Variants in AGBL5 observed in about 807,000 individuals in gnomAD.
The protein encoded by AGBL5 is AGBL carboxypeptidase 5.
In AGBL5, 51 loss-of-function variants were observed where a neutral mutation model predicts 88.0. The ratio of observed to expected loss-of-function variants is 0.58; its 90% CI spans 0.46 to 0.73. The LOEUF (loss-of-function observed/expected upper bound fraction) is 0.73. Among genes scored for constraint, AGBL5 ranks in the 30% least tolerant of loss-of-function variants. The pLI, the probability that AGBL5 is intolerant of heterozygous loss-of-function variation, is 0.00. For synonymous variants in AGBL5, 446 were observed against 438.8 expected (o/e 1.02, Z -0.21); for missense variants, 1,031 against 1,162.2 (o/e 0.89, Z 1.64).
At chr2:27,063,936 T>C (rs191561018) in intron 11 of AGBL5, among the ~76,000 whole-genome samples, 97 of 152,334 alleles carry the variant, frequency 6.4e-4, no homozygotes, top group African/African-American at 2.2e-3. Context: ...GCTGATCACA[T>C]CACTCTTGCA....
intron 11 of AGBL5, 40 bp from the exon 12 acceptor site, chr2:27,067,454 C>T (rs373335393): frequency 1.3e-6 from 2 of 1,596,630 alleles, no homozygotes; most frequent in Admixed American, 1.7e-5. Flanking sequence ...TAGTGCCCCA[C>T]TTATTTGCCC....
intron 11 of AGBL5, chr2:27,061,635 T>C (rs1668722673): frequency 6.6e-6 from 1 of 152,262 alleles, no homozygotes; most frequent in Non-Finnish European, 1.5e-5. Context: ...CCCAAAGTGC[T>C]AGGATTACAG....
rs369204320 is a variant in AGBL5, at chr2:27,070,102, G to C, written c.2500G>C (p.Ala834Pro). 7.4e-6 allele frequency: 12 copies of C among 1,612,878 alleles called. No homozygotes were observed. The African/African-American group carries it at 9.3e-5, about 13-fold the overall frequency. ...SCSATPGLPQ[A>P]RPPRPRSAPA... ...TCTTTTCTGTTGCAGGCTGCCTCAG[G>C]CCAGGCCCCCACGGCCCCGCTCTGC... The change falls in exon 15 of 15, where the codon GCC becomes CCC. Residue 834 changes from alanine to proline, a missense_variant. By Grantham distance (27) the Ala-to-Pro change is conservative (BLOSUM62 -1). Around this residue, in one of 2 missense-constraint regions of AGBL5, gnomAD observed 491 missense variants for 484.0 expected, o/e 1.01. Coordinates refer to ENST00000360131, the MANE Select transcript of AGBL5 (RefSeq NM_021831.6).
At chr2:27,066,303 C>CAAAT (rs1459386436) in intron 11 of AGBL5, among the ~76,000 whole-genome samples, 1 of 149,012 alleles carries the variant, frequency 6.7e-6, no homozygotes, top group Non-Finnish European at 1.5e-5. Context: ...TACACAAATG[C>CAAAT]AAATCTAAGA....
chr2:27,070,438 C>G lies in AGBL5; in HGVS notation c.*175C>G, dbSNP rs550879873. The G allele has an allele frequency of 3.3e-6, 2 of 603,542 alleles. No homozygotes were observed. Among genetic ancestry groups the G allele is most frequent in the East Asian group, 5.6e-5 (2 of 35,540 alleles). 37.4% of individuals were successfully genotyped at this position (603,542 alleles called of 1,614,324 possible). A position where few individuals can be genotyped will look rare whatever the true frequency, so the allele number is the denominator to read the frequency against. ...ACCTTGAGACAGAACAAAACAGGGACCTGCCACCCCTTCCCTCCCTCCGCA... is the reference window on the plus strand; with the variant it reads ...ACCTTGAGACAGAACAAAACAGGGAGCTGCCACCCCTTCCCTCCCTCCGCA... On this transcript the variant is annotated 3_prime_UTR_variant, in exon 15 of 15. Coordinates refer to ENST00000360131, the MANE Select transcript of AGBL5 (RefSeq NM_021831.6).
rs1031774418 is a variant in AGBL5, at chr2:27,067,351, G to C, written c.2090-143G>C. The C allele has an allele frequency of 1.2e-5, 8 of 683,482 alleles. No individual in the cohort carries two copies. In the Admixed American group the frequency reaches 1.7e-4, roughly 14 times the overall value. 42.3% of individuals were successfully genotyped at this position (683,482 alleles called of 1,614,324 possible). On this transcript the variant is annotated intron_variant, in intron 11 of 14. Transcript: ENST00000360131. ...TCTTTCTACCCATCTTATATTAATA[G>C]TTACTTCAGGAGAGGGATGTGGGTC...
In AGBL5 at chr2:27,052,929, G is replaced by T. The variant is rs374040291; in HGVS notation, c.-30G>T. ...TTCCCCCAGCTCTCAGGGCCAGAGC[G>T]GGGCAGGAGGATGCTTTCCCAGCCC... On this transcript the variant is annotated 5_prime_UTR_variant, in exon 2 of 15. Coordinates refer to ENST00000360131, the MANE Select transcript of AGBL5 (RefSeq NM_021831.6). 6.5e-7 allele frequency: 1 copy of T among 1,543,512 alleles called. No individual in the cohort carries two copies. The highest frequency in any genetic ancestry group is 8.8e-7 in the Non-Finnish European group (1 of 1,137,632).
rs771367189 is a variant in AGBL5 at position 27,057,454 on chromosome 2, G to GT, written c.1671+17dup. 6.3e-7 allele frequency: 1 copy of GT among 1,583,938 alleles called. No homozygotes were observed. Among genetic ancestry groups the GT allele is most frequent in the Admixed American group, 1.8e-5 (1 of 56,538 alleles). The stretch of plus-strand genomic sequence containing the variant: ...ATTTGAGCAGGTATGAATACATGGT[G>GT]TAAGTGGGAAAAGGGAGAAACCTTA... On this transcript the variant is annotated intron_variant, in intron 9 of 14. Coordinates refer to ENST00000360131, the MANE Select transcript of AGBL5 (RefSeq NM_021831.6).
chr2:27,053,622 G>C lies in AGBL5; in HGVS notation c.387+49G>C. On this transcript the variant is annotated intron_variant, in intron 3 of 14. Coordinates refer to ENST00000360131, the MANE Select transcript of AGBL5 (RefSeq NM_021831.6). The surrounding 1 kb of genome is among the most constrained non-coding windows in gnomAD (Gnocchi z 4.9). ...GAAAGACTTGGGTGCTAAAAGTAGA[G>C]AGGAAAGTAAAGCGTTTTTTTTTCC... 6.4e-7 allele frequency: 1 copy of C among 1,570,180 alleles called. No homozygotes were observed. Among genetic ancestry groups the C allele is most frequent in the South Asian group, 1.2e-5 (1 of 84,824 alleles).
chr2:27,066,050 T>A (rs1420433393), intron 11 of AGBL5, among the ~76,000 whole-genome samples: 2 of 151,998 alleles, frequency 1.3e-5, no homozygotes, highest in Non-Finnish European at 2.9e-5. Flanking sequence ...CTTGAGCCCA[T>A]GAGTTCCAGA....
chr2:27,068,528 C>T (rs528366762), intron 12 of AGBL5, 104 bp from the exon 13 acceptor site: 1 of 947,314 alleles, frequency 1.1e-6, no homozygotes, highest in East Asian at 2.5e-5. Flanking sequence ...AAGAATTATC[C>T]AACCCAAATT....
At chr2:27,058,655 T>A in intron 10 of AGBL5, 53 bp downstream of exon 10, 2 of 1,581,730 alleles carry the variant, frequency 1.3e-6, no homozygotes, top group South Asian at 2.2e-5. Context: ...GACAGGGCTC[T>A]AGAGCTAGGA....
rs772072440 is a variant in AGBL5 at position 27,056,002 on chromosome 2, C to G, written c.1229C>G (p.Ala410Gly). 6 of 1,614,216 alleles carry G rather than the reference C, an allele frequency of 3.7e-6. No homozygotes were observed. The Admixed American group carries it at 5.0e-5, about 13-fold the overall frequency. Reference protein sequence around the residue: ...NSVWIMPQQSAGLEESAPDTI... With the variant: ...NSVWIMPQQSGGLEESAPDTI... ...GTGTGGATTATGCCACAACAGTCTG[C>G]GGGGCTTGAAGAGTCAGCCCCTGAT... Residue 410 changes from alanine (A) to glycine (G), a missense_variant, in exon 7 of 15, where the codon GCG becomes GGG. Ala to Gly is a moderately conservative substitution (Grantham distance 60). Around this residue, in one of 2 missense-constraint regions of AGBL5, gnomAD observed 540 missense variants for 678.2 expected, o/e 0.80. Coordinates refer to ENST00000360131, the MANE Select transcript of AGBL5 (RefSeq NM_021831.6).
Position 27,056,675 on chromosome 2 carries a change from A to C in AGBL5, c.1418A>C (p.Asp473Ala), listed in dbSNP as rs1469354209. Residue 473 changes from aspartate to alanine, a missense_variant, in exon 8 of 15, where the codon GAC becomes GCC. Physicochemically the swap from Asp to Ala is moderately radical, Grantham distance 126. Coordinates refer to ENST00000360131, the MANE Select transcript of AGBL5 (RefSeq NM_021831.6). ...KLISLNSAHF[D>A]FQGCNFSEKN... is the part of the protein sequence containing the mutation. ...ATCTCCTTGAATTCAGCCCACTTCG[A>C]CTTCCAGGGCTGCAATTTCTCAGAG... 1.2e-6 allele frequency: 2 copies of C among 1,613,532 alleles called. No individual in the cohort carries two copies. Among genetic ancestry groups the C allele is most frequent in the Non-Finnish European group, 1.7e-6 (2 of 1,179,618 alleles).
intron 1 of AGBL5, chr2:27,052,595 T>G (rs746898592): frequency 6.0e-6 from 1 of 166,000 alleles, no homozygotes; most frequent in African/African-American, 2.4e-5. Context: ...GATTATATTC[T>G]CTAATCTTTG....
chr2:27,059,237 G>A lies in AGBL5; in HGVS notation c.1922G>A (p.Ser641Asn). 4.3e-6 allele frequency: 7 copies of A among 1,614,100 alleles called. No homozygotes were observed. Among genetic ancestry groups the A allele is most frequent in the Non-Finnish European group, 5.9e-6 (7 of 1,180,026 alleles). Residue 641 changes from serine to asparagine, a missense_variant, in exon 11 of 15, where the codon AGT becomes AAT. Transcript: ENST00000360131. ...CSENTLSRARSFSTGTSAGGS... is the reference protein window; with the variant it reads ...CSENTLSRARNFSTGTSAGGS... Reference sequence around the variant, plus strand: ...GAAAACACCTTGAGTCGGGCACGAAGTTTTAGCACCGGCACAAGTGCCGGT... The same window carrying A: ...GAAAACACCTTGAGTCGGGCACGAAATTTTAGCACCGGCACAAGTGCCGGT...
At chr2:27,057,529 A>G in intron 9 of AGBL5, 91 bp downstream of exon 9, 1 of 1,417,224 alleles carries the variant, frequency 7.1e-7, no homozygotes, top group Non-Finnish European at 9.5e-7. Flanking sequence ...GGTCCTTTGA[A>G]GAGATATTCA....
chr2:27,059,332 C>T lies in AGBL5; in HGVS notation c.2017C>T (p.Arg673Trp), dbSNP rs1237763561. 78 of 1,614,086 alleles carry T rather than the reference C, an allele frequency of 4.8e-5. No homozygotes were observed. Among genetic ancestry groups the T allele is most frequent in the Middle Eastern group, 1.6e-4 (1 of 6,084 alleles). The change falls in exon 11 of 15, where the codon CGG (arginine) becomes TGG (tryptophan). Residue 673 changes from arginine (R) to tryptophan (W), a missense_variant. Physicochemically the swap from Arg to Trp is moderately radical, Grantham distance 101 (BLOSUM62 -3). This residue lies in a region of AGBL5 where 491 missense variants were observed against 484.0 expected (regional missense o/e 1.01). Coordinates refer to ENST00000360131, the MANE Select transcript of AGBL5 (RefSeq NM_021831.6). Reference protein sequence around the residue: ...NSPSFPFHGSRPAGLPGLGSS... With the variant: ...NSPSFPFHGSWPAGLPGLGSS... The stretch of plus-strand genomic sequence containing the variant: ...CCCCAGCTTTCCTTTTCATGGCAGT[C>T]GGCCTGCAGGGCTGCCAGGCCTGGG...
chr2:27,052,834 T>A, intron 1 of AGBL5, 79 bp from the exon 2 acceptor site: 1 of 835,260 alleles, frequency 1.2e-6, no homozygotes, highest in Non-Finnish European at 1.8e-6. Context: ...AGAATAGCTC[T>A]TATTTATCAA....
Sources: allele counts gnomAD v4.1 joint callset (sites outside exome capture counted in the v4.1 genomes callset), GRCh38; gene constraint gnomAD v4.1.1; regional missense constraint gnomAD v4.1.1; non-coding constraint Gnocchi (gnomAD v3.1); transcripts MANE v1.5; gene names NCBI Gene and HGNC (gene_info 2026-07-23, HGNC 2026-07-21).